The following PADI2 variants were observed in gnomAD, a reference collection of about 807,000 sequenced individuals.
The protein encoded by PADI2 is protein-arginine deiminase type-2.
In PADI2, 70 loss-of-function variants were observed where a neutral mutation model predicts 81.1. The observed-to-expected ratio is 0.86, with a 90% confidence interval of 0.71 to 1.05. The LOEUF (loss-of-function observed/expected upper bound fraction) is 1.05. Among genes scored for constraint, PADI2 ranks in the 50% least tolerant of loss-of-function variants. PADI2 has a pLI of 0.00. For missense variants in PADI2, 853 were observed against 889.9 expected, an observed-to-expected ratio of 0.96 and a Z score of 0.53; for synonymous variants, 338 against 358.0, an observed-to-expected ratio of 0.94 and a Z score of 0.63.
In PADI2 at chr1:17,067,241, C is replaced by A. The variant is rs2078229290; in HGVS notation, c.*1803G>T. ...AAAAAAAGAAAGAAAACCCATAAAC[C>A]CACATTAACCAAACACACACACACA... On this transcript the variant is annotated 3_prime_UTR_variant, in exon 16 of 16. Transcript: ENST00000375486. 2 of 125,636 alleles carry A rather than the reference C, an allele frequency of 1.6e-5. No individual in the cohort carries two copies. Among genetic ancestry groups the A allele is most frequent in the South Asian group, 5.1e-4 (2 of 3,892 alleles). 7.8% of individuals were successfully genotyped at this position (125,636 alleles called of 1,614,324 possible).
intron 1 of PADI2, among the ~76,000 whole-genome samples, chr1:17,108,694 C>T (rs1192276175): frequency 1.1e-4 from 16 of 152,146 alleles, no homozygotes; most frequent in Admixed American, 1.0e-3. Flanking sequence ...GAACAATCTA[C>T]AAGAAGACTT....
At chr1:17,082,689 A>G (rs749167747) in intron 9 of PADI2, 37 bp from the exon 10 acceptor site, 1 of 1,296,296 alleles carries the variant, frequency 7.7e-7, no homozygotes, top group Non-Finnish European at 1.1e-6. Flanking sequence ...AGACGAATCC[A>G]GGGGACAATT....
At chr1:17,070,698 G>A (rs1424028462) in intron 14 of PADI2, among the ~76,000 whole-genome samples, 3 of 151,996 alleles carry the variant, frequency 2.0e-5, no homozygotes, top group Non-Finnish European at 1.5e-5. Context: ...GTCTCACTCT[G>A]TTGCCCACGC....
At chr1:17,117,794 G>T (rs1931810545) in intron 1 of PADI2, among the ~76,000 whole-genome samples, 1 of 152,230 alleles carries the variant, frequency 6.6e-6, no homozygotes, top group Non-Finnish European at 1.5e-5. Flanking sequence ...GAGGCTTAGA[G>T]ACCTGAGCAC....
intron 8 of PADI2, 80 bp downstream of exon 8, chr1:17,084,519 A>T (rs1392016528): frequency 1.3e-6 from 1 of 793,862 alleles, no homozygotes; most frequent in African/African-American, 1.7e-5. Flanking sequence ...TGACGGGGCC[A>T]GGAACTAGAC....
intron 3 of PADI2, among the ~76,000 whole-genome samples, chr1:17,097,673 G>A (rs1188546091): frequency 6.6e-6 from 1 of 152,230 alleles, no homozygotes; most frequent in Non-Finnish European, 1.5e-5. Context: ...GTTCAGAGAA[G>A]CCACTTGTCA....
chr1:17,070,050 C>T lies in PADI2; in HGVS notation c.1764+38G>A, dbSNP rs763969494. On this transcript the variant is annotated intron_variant, in intron 15 of 15. Coordinates refer to ENST00000375486, the MANE Select transcript of PADI2 (RefSeq NM_007365.3). ...TCCTTCTGGATCTGGCTGCCCTGTA[C>T]TGGCATGGGGCGAGGGTTGGGGTCT... 4 of 1,602,374 alleles carry T rather than the reference C, an allele frequency of 2.5e-6. No individual in the cohort carries two copies. In the East Asian group the frequency reaches 6.7e-5, roughly 27 times the overall value.
chr1:17,084,709 G>A lies in PADI2; in HGVS notation c.835-7C>T. The A allele has an allele frequency of 1.3e-6, 2 of 1,542,502 alleles. No homozygotes were observed. The highest frequency in any genetic ancestry group is 1.8e-6 in the Non-Finnish European group (2 of 1,138,512). On this transcript the variant is annotated splice_region_variant and splice_polypyrimidine_tract_variant and intron_variant, in intron 7 of 15. Coordinates refer to ENST00000375486, the MANE Select transcript of PADI2 (RefSeq NM_007365.3). ...TGGGAGTCAGGGGAATGTCCTGGGT[G>A]TGGGAGACAAGGCGTGGGGGATCAA...
chr1:17,115,802 G>A lies in PADI2; in HGVS notation c.92+3478C>T, dbSNP rs1024618448. On this transcript the variant is annotated intron_variant, in intron 1 of 15. Coordinates refer to ENST00000375486, the MANE Select transcript of PADI2 (RefSeq NM_007365.3). This position sits in a 1 kb window ranked among gnomAD's most constrained non-coding sequence, Gnocchi z 4.1. The stretch of plus-strand genomic sequence containing the variant: ...AGACTAAGATGAGTATATTTGGGAA[G>A]AGCAGAAGGAAACAGCGAGTATCTT... Among the ~76,000 whole-genome samples, 1 of 152,264 alleles carries A rather than the reference G, an allele frequency of 6.6e-6. No individual in the cohort carries two copies. Among genetic ancestry groups the A allele is most frequent in the Non-Finnish European group, 1.5e-5 (1 of 68,050 alleles).
intron 6 of PADI2, among the ~76,000 whole-genome samples, chr1:17,090,722 C>T (rs1570990612): frequency 2.0e-5 from 3 of 151,694 alleles, no homozygotes; most frequent in Non-Finnish European, 4.4e-5. Flanking sequence ...GATGGGCAGC[C>T]CAAATAAGAG....
intron 2 of PADI2, among the ~76,000 whole-genome samples, chr1:17,103,749 T>G (rs1468304505): frequency 6.6e-6 from 1 of 151,620 alleles, no homozygotes; most frequent in East Asian, 1.9e-4. Context: ...CTCACACTAA[T>G]TTTAAATTTG....
At chr1:17,095,377 G>A (rs1296159084) in intron 4 of PADI2, among the ~76,000 whole-genome samples, 1 of 152,132 alleles carries the variant, frequency 6.6e-6, no homozygotes, top group East Asian at 1.9e-4. Flanking sequence ...CCTCTGTGGG[G>A]GAGCAGAATG....
At chr1:17,074,659 A>C (rs1182344202) in intron 13 of PADI2, among the ~76,000 whole-genome samples, 197 bp downstream of exon 13, 2 of 152,198 alleles carry the variant, frequency 1.3e-5, no homozygotes, top group African/African-American at 4.8e-5. Context: ...CTCACAGTCC[A>C]CCCAGCCACA....
At position 17,074,618 on chromosome 1, in the gene PADI2, A is replaced by G. The variant is rs540856604; in HGVS notation, c.1549+238T>C. The stretch of plus-strand genomic sequence containing the variant: ...GCTAGGGCTTGAAGATGCGCTATGC[A>G]CTGCTGGTGACACTAAGGAGCTGTG... On this transcript the variant is annotated intron_variant, in intron 13 of 15. Transcript: ENST00000375486. Among the ~76,000 whole-genome samples, 3 of 152,292 alleles carry G rather than the reference A, an allele frequency of 2.0e-5. No homozygotes were observed. The South Asian group carries it at 6.2e-4, about 32-fold the overall frequency.
At position 17,079,318 on chromosome 1, in the gene PADI2, A is replaced by G. The variant is rs2101579202; in HGVS notation, c.1256T>C (p.Val419Ala). The G allele has an allele frequency of 6.2e-7, 1 of 1,614,112 alleles. No individual in the cohort carries two copies. Among genetic ancestry groups the G allele is most frequent in the East Asian group, 2.2e-5 (1 of 44,872 alleles). The change falls in exon 11 of 16, where the codon GTG becomes GCG. Residue 419 changes from valine to alanine, a missense_variant. By Grantham distance (64) the Val-to-Ala change is moderately conservative. Transcript: ENST00000375486. ...GNLEVSPPVT[V>A]NGKTYPLGRI... ...GCCAAGCGGGTATGTCTTGCCGTTC[A>G]CGGTCACTGGGGGACTGACCTCCAG...
At chr1:17,074,154 G>A (rs1210622610) in intron 13 of PADI2, among the ~76,000 whole-genome samples, 1 of 152,252 alleles carries the variant, frequency 6.6e-6, no homozygotes, top group East Asian at 1.9e-4. Flanking sequence ...CACTTTGGGA[G>A]GCTGAGGCGG....
chr1:17,091,194 T>C (rs1930679065), intron 6 of PADI2, among the ~76,000 whole-genome samples: 1 of 148,240 alleles, frequency 6.7e-6, no homozygotes, highest in Non-Finnish European at 1.5e-5. Context: ...GATGTGAGGG[T>C]CCAGGGTCCC....
Position 17,104,864 on chromosome 1 carries a change from TC to T in PADI2, c.276+13del. 6.4e-7 allele frequency: 1 copy of T among 1,553,574 alleles called. No homozygotes were observed. Among genetic ancestry groups the T allele is most frequent in the Non-Finnish European group, 8.7e-7 (1 of 1,147,048 alleles). ...GTCCCGGGCCCGCAGAGGCTGGACT[TC>T]CCGCCGTGGTACCTTGTCACTGCTG... is the stretch of plus-strand genomic sequence containing the variant. On this transcript the variant is annotated intron_variant, in intron 2 of 15. Transcript: ENST00000375486.
chr1:17,104,543 T>C (rs1190093050), intron 2 of PADI2, among the ~76,000 whole-genome samples: 3 of 135,066 alleles, frequency 2.2e-5, no homozygotes, highest in Admixed American at 8.5e-5. Context: ...CACGCCATTC[T>C]CCTGCCTCAG....
Sources: allele counts gnomAD v4.1 joint callset (sites outside exome capture counted in the v4.1 genomes callset), GRCh38; gene constraint gnomAD v4.1.1; non-coding constraint Gnocchi (gnomAD v3.1); transcripts MANE v1.5; gene names NCBI Gene and HGNC (gene_info 2026-07-23, HGNC 2026-07-21).